Variants in UBR3 observed in about 807,000 individuals in gnomAD.
The protein encoded by UBR3 is E3 ubiquitin-protein ligase UBR3.
A neutral mutation model predicts 243.2 loss-of-function variants in UBR3; 85 were observed. The observed-to-expected ratio is 0.35, with a 90% CI of 0.29 to 0.42. The LOEUF (loss-of-function observed/expected upper bound fraction) is 0.42, where lower values mean the gene tolerates loss of function less well. UBR3 is among the 10% of genes least tolerant of loss of function. UBR3 has a pLI of 1.00. For synonymous variants in UBR3, 748 were observed against 799.8 expected (o/e 0.94, Z 1.09); for missense variants, 1,686 against 2,300.8 (o/e 0.73, Z 5.47).
At chr2:169,898,669 C>CT (rs561412467) in intron 8 of UBR3, among the ~76,000 whole-genome samples, 16,938 of 128,064 alleles carry the variant, frequency 0.13, 1,238 homozygotes, top group Admixed American at 0.18. Flanking sequence ...ACTTCTTCAC[C>CT]TTTTTTTTTT....
At position 169,836,065 on chromosome 2, in the gene UBR3, ATATTTT is replaced by A. The variant is rs1190305161; in HGVS notation, c.545+8015_545+8020del. Among the ~76,000 whole-genome samples, 255 of 27,936 alleles carry A rather than the reference ATATTTT, an allele frequency of 9.1e-3. 9 individuals carry two copies. Among genetic ancestry groups the A allele is most frequent in the African/African-American group, 0.013 (112 of 8,766 alleles). The allele number at this position is 27,936 out of a possible 152,430, so 18.3% of individuals were successfully genotyped here. A position where few individuals can be genotyped will look rare whatever the true frequency, so the allele number is the denominator to read the frequency against. Reference sequence around the variant, plus strand: ...TCTCTATATATATATATATATATATATATTTTTTTTTTTTTTTTTTTTTTTTTTGAG... The same window carrying A: ...TCTCTATATATATATATATATATATATTTTTTTTTTTTTTTTTTTTTTGAG... On this transcript the variant is annotated intron_variant, in intron 1 of 38. Coordinates refer to ENST00000272793, the MANE Select transcript of UBR3 (RefSeq NM_172070.4).
Position 169,873,949 on chromosome 2 carries a change from C to T in UBR3, c.685+1574C>T, listed in dbSNP as rs189499237. On this transcript the variant is annotated intron_variant, in intron 2 of 38. Transcript: ENST00000272793. ...ATTAGTTTAATGAAAGAGTACTTCA[C>T]ATGAAAGTGTCTTATATTTTTTGTT... is the stretch of plus-strand genomic sequence containing the variant. Among the ~76,000 whole-genome samples, 34 of 152,160 alleles carry T rather than the reference C, an allele frequency of 2.2e-4. No homozygotes were observed. The East Asian group carries it at 5.8e-3, about 26-fold the overall frequency.
chr2:169,887,483 C>G (rs992948868), intron 5 of UBR3, among the ~76,000 whole-genome samples: 4 of 152,140 alleles, frequency 2.6e-5, no homozygotes, highest in African/African-American at 9.7e-5. Context: ...CCTGAATTCT[C>G]TACTTTTGGG....
At chr2:169,884,942 G>A (rs2084033066) in intron 5 of UBR3, among the ~76,000 whole-genome samples, 1 of 152,170 alleles carries the variant, frequency 6.6e-6, no homozygotes. Context: ...ATGGAAAGAG[G>A]TTGATAGAGG....
intron 24 of UBR3, among the ~76,000 whole-genome samples, chr2:169,975,179 A>T (rs921339313): frequency 5.9e-5 from 9 of 152,176 alleles, no homozygotes; most frequent in Non-Finnish European, 1.3e-4. Flanking sequence ...CAAAAAAACA[A>T]CAACAAAAAT....
intron 1 of UBR3, among the ~76,000 whole-genome samples, chr2:169,839,684 T>C (rs1451446988): frequency 2.0e-5 from 3 of 152,146 alleles, no homozygotes; most frequent in Non-Finnish European, 4.4e-5. Flanking sequence ...CACACACATA[T>C]AGTGCAATGG....
At chr2:170,073,658 G>A (rs759554167) in intron 36 of UBR3, 51 bp downstream of exon 36, 5 of 1,557,516 alleles carry the variant, frequency 3.2e-6, no homozygotes, top group Non-Finnish European at 4.3e-6. Context: ...ATGCTAATAG[G>A]TAAGAGAATA....
intron 23 of UBR3, among the ~76,000 whole-genome samples, chr2:169,955,035 G>C (rs1361938075): frequency 1.3e-5 from 2 of 151,972 alleles, no homozygotes; most frequent in African/African-American, 2.4e-5. Context: ...CCCTTAATTT[G>C]GGATTGTCTG....
chr2:170,042,593 G>A (rs528583806), intron 32 of UBR3, among the ~76,000 whole-genome samples: 17 of 149,410 alleles, frequency 1.1e-4, no homozygotes, highest in East Asian at 6.0e-4. Flanking sequence ...GGAGGCTGAG[G>A]CATGAGAACC....
chr2:170,017,685 C>T (rs2090286630), intron 30 of UBR3, among the ~76,000 whole-genome samples: 1 of 152,006 alleles, frequency 6.6e-6, no homozygotes, highest in Non-Finnish European at 1.5e-5. Context: ...CAATGCCATT[C>T]AACTACATCT....
chr2:170,040,832 G>T (rs113671744), intron 31 of UBR3, 50 bp from the exon 32 acceptor site: 1 of 1,341,538 alleles, frequency 7.5e-7, no homozygotes. Context: ...AAATAAATTA[G>T]AAAGAGAAGA....
At chr2:170,062,968 T>G (rs762716194) in intron 35 of UBR3, among the ~76,000 whole-genome samples, 12 of 152,212 alleles carry the variant, frequency 7.9e-5, no homozygotes, top group Non-Finnish European at 1.3e-4. Context: ...TTGTAATGGA[T>G]CTTGAATTTC....
At chr2:169,935,873 G>A (rs1174391498) in intron 19 of UBR3, among the ~76,000 whole-genome samples, 1 of 152,056 alleles carries the variant, frequency 6.6e-6, no homozygotes, top group African/African-American at 2.4e-5. Flanking sequence ...TAATCTAGGT[G>A]CCACATATTT....
At chr2:169,879,496 A>G (rs2083741845) in intron 5 of UBR3, among the ~76,000 whole-genome samples, 1 of 152,130 alleles carries the variant, frequency 6.6e-6, no homozygotes, top group South Asian at 2.1e-4. Flanking sequence ...TTGGAGAGGC[A>G]GTTTATTATG....
intron 24 of UBR3, among the ~76,000 whole-genome samples, chr2:169,973,748 G>T (rs900048376): frequency 1.3e-5 from 2 of 152,272 alleles, no homozygotes; most frequent in African/African-American, 4.8e-5. Flanking sequence ...GAAAAGAGTG[G>T]TGAGAGTGGG....
intron 8 of UBR3, among the ~76,000 whole-genome samples, chr2:169,904,014 A>C (rs951387753): frequency 2.0e-5 from 3 of 152,182 alleles, no homozygotes; most frequent in Admixed American, 1.3e-4. Flanking sequence ...CACATCTATA[A>C]AGCATCATCT....
intron 31 of UBR3, among the ~76,000 whole-genome samples, chr2:170,037,476 C>T (rs2090863328): frequency 6.6e-6 from 1 of 152,100 alleles, no homozygotes; most frequent in African/African-American, 2.4e-5. Context: ...CAACCTCCTC[C>T]TCCTGGGTTC....
At chr2:169,945,309 C>T (rs1238600350) in intron 20 of UBR3, among the ~76,000 whole-genome samples, 1 of 152,056 alleles carries the variant, frequency 6.6e-6, no homozygotes, top group African/African-American at 2.4e-5. Context: ...GTTTTGAATG[C>T]CTATGCTCTT....
At chr2:169,850,843 C>CAA (rs780578795) in intron 1 of UBR3, among the ~76,000 whole-genome samples, 6 of 105,536 alleles carry the variant, frequency 5.7e-5, no homozygotes, top group Admixed American at 9.9e-5. Flanking sequence ...GACTCAGTCT[C>CAA]AAAAAAAAAA....
Sources: allele counts gnomAD v4.1 joint callset (sites outside exome capture counted in the v4.1 genomes callset), GRCh38; gene constraint gnomAD v4.1.1; transcripts MANE v1.5; gene names NCBI Gene and HGNC (gene_info 2026-07-23, HGNC 2026-07-21).